The following TBL1X variants were observed in gnomAD, a reference collection of about 807,000 sequenced individuals.
TBL1X encodes F-box-like/WD repeat-containing protein TBL1X.
Under a neutral mutation model 50.7 loss-of-function variants are expected in TBL1X, and 10 were observed. That is an observed-to-expected ratio of 0.20 (90% CI 0.12 to 0.33). The LOEUF is 0.33. Ranked by LOEUF, TBL1X falls within the 10% of genes least tolerant of loss-of-function variation. TBL1X has a pLI of 1.00. For missense variants in TBL1X, 340 were observed against 504.4 expected (o/e 0.67, Z 3.12); for synonymous variants, 190 against 214.7 (o/e 0.88, Z 1.01).
intron 1 of TBL1X, among the ~76,000 whole-genome samples, chrX:9,494,495 G>A (rs1170467188): frequency 1.8e-5 from 2 of 111,576 alleles, no homozygotes; most frequent in African/African-American, 6.5e-5. Context: ...ATGGTGACAG[G>A]TGTTGCCTTT....
chrX:9,597,693 G>A (rs1489192783), intron 2 of TBL1X, among the ~76,000 whole-genome samples: 9 of 112,490 alleles, frequency 8.0e-5, no homozygotes, highest in Admixed American at 6.6e-4. Context: ...TGAGCCATGC[G>A]TGTCCTTTAG....
At chrX:9,481,786 AGATAAATC>A (rs747627891) in intron 1 of TBL1X, among the ~76,000 whole-genome samples, 8 of 112,384 alleles carry the variant, frequency 7.1e-5, no homozygotes, top group Non-Finnish European at 1.3e-4. Flanking sequence ...TTGCAGGCAC[AGATAAATC>A]CGTGGCTGGG....
intron 1 of TBL1X, among the ~76,000 whole-genome samples, chrX:9,491,173 G>A (rs1278201718): frequency 9.5e-6 from 1 of 104,975 alleles, no homozygotes; most frequent in Non-Finnish European, 1.9e-5. Context: ...GTAGAGATGG[G>A]GTCTCACTGT....
intron 1 of TBL1X, among the ~76,000 whole-genome samples, chrX:9,472,146 G>C (rs757485460): frequency 2.7e-5 from 3 of 112,424 alleles, no homozygotes; most frequent in Non-Finnish European, 5.6e-5. Flanking sequence ...TAGAGTCCAT[G>C]TGAATGTGCA....
chrX:9,701,973 G>A lies in TBL1X; in HGVS notation c.1115-3020G>A, dbSNP rs1306303948. Among the ~76,000 whole-genome samples the A allele has an allele frequency of 5.4e-5, 6 of 111,873 alleles. No individual in the cohort carries two copies. The East Asian group carries it at 1.1e-3, about 21-fold the overall frequency. On this transcript the variant is annotated intron_variant, in intron 12 of 17. Transcript: ENST00000645353. ...CCGCGTCCTCCCACCCACACCTTCC[G>A]CCTGCAGGGGGAGCTGGATGGGGAA...
intron 2 of TBL1X, among the ~76,000 whole-genome samples, chrX:9,542,297 G>A (rs948714085): frequency 9.0e-6 from 1 of 111,072 alleles, no homozygotes; most frequent in African/African-American, 3.3e-5. Flanking sequence ...TGCTTGTCTG[G>A]CCCCACTCAC....
chrX:9,479,529 C>T (rs1468808096), intron 1 of TBL1X, among the ~76,000 whole-genome samples: 4 of 112,585 alleles, frequency 3.6e-5, no homozygotes, highest in Admixed American at 9.4e-5. Context: ...ATGGCTTTTA[C>T]ATCACATGAC....
At chrX:9,619,157 A>G (rs2082653954) in intron 2 of TBL1X, among the ~76,000 whole-genome samples, 1 of 112,632 alleles carries the variant, frequency 8.9e-6, no homozygotes. Context: ...ACAGATAAGC[A>G]TCATACAAAT....
At chrX:9,705,848 G>C (rs187012617) in intron 13 of TBL1X, among the ~76,000 whole-genome samples, 19 of 110,992 alleles carry the variant, frequency 1.7e-4, no homozygotes, top group African/African-American at 6.2e-4. Context: ...AGAAATACCT[G>C]AGACTGGGTA....
chrX:9,491,148 T>G (rs943295856), intron 1 of TBL1X, among the ~76,000 whole-genome samples: 1 of 104,224 alleles, frequency 9.6e-6, no homozygotes, highest in Non-Finnish European at 2.0e-5. Flanking sequence ...CTCTGCTAGT[T>G]TTTAAATTGT....
chrX:9,586,006 G>A (rs1601776215), intron 2 of TBL1X, among the ~76,000 whole-genome samples: 1 of 112,277 alleles, frequency 8.9e-6, no homozygotes, highest in East Asian at 2.8e-4. Context: ...AATAGTAAGT[G>A]TTGGCAGGGA....
chrX:9,702,608 A>G (rs1296409388), intron 12 of TBL1X, among the ~76,000 whole-genome samples: 10 of 58,718 alleles, frequency 1.7e-4, no homozygotes, highest in Non-Finnish European at 2.3e-4. Flanking sequence ...CATCTCCAAG[A>G]AAAAAAAAAA....
chrX:9,654,006 T>A (rs2082851356), intron 4 of TBL1X, among the ~76,000 whole-genome samples: 1 of 111,926 alleles, frequency 8.9e-6, no homozygotes, highest in Non-Finnish European at 1.9e-5. Flanking sequence ...CAACTCTTGT[T>A]TTTTTGGAAA....
intron 1 of TBL1X, among the ~76,000 whole-genome samples, chrX:9,467,990 C>CT (rs2081788229): frequency 8.9e-6 from 1 of 112,685 alleles, no homozygotes; most frequent in Non-Finnish European, 1.9e-5. Context: ...AGCTGGCCCC[C>CT]TCCCACACAG....
At chrX:9,566,160 A>G (rs2082350383) in intron 2 of TBL1X, among the ~76,000 whole-genome samples, 1 of 111,703 alleles carries the variant, frequency 9.0e-6, no homozygotes, top group African/African-American at 3.3e-5. Flanking sequence ...TGTGTCAAAT[A>G]ATTCTCTTTG....
intron 2 of TBL1X, among the ~76,000 whole-genome samples, chrX:9,556,298 G>C (rs1444164665): frequency 1.8e-5 from 2 of 110,992 alleles, no homozygotes; most frequent in Non-Finnish European, 3.8e-5. Flanking sequence ...AGGTGGATTA[G>C]TTTCTGTGGC....
intron 2 of TBL1X, among the ~76,000 whole-genome samples, chrX:9,592,712 A>T (rs181136734): frequency 2.8e-3 from 316 of 112,220 alleles, no homozygotes; most frequent in African/African-American, 9.8e-3. Flanking sequence ...TAGAAGAGGA[A>T]TCATATAACA....
chrX:9,672,817 A>G (rs2082968025), intron 5 of TBL1X, among the ~76,000 whole-genome samples: 1 of 112,626 alleles, frequency 8.9e-6, no homozygotes, highest in Non-Finnish European at 1.9e-5. Flanking sequence ...TTCAAAGACA[A>G]GCTTCCTCTA....
At chrX:9,492,473 A>C (rs1012451044) in intron 1 of TBL1X, among the ~76,000 whole-genome samples, 1 of 112,237 alleles carries the variant, frequency 8.9e-6, no homozygotes, top group Non-Finnish European at 1.9e-5. Flanking sequence ...GTGCAGGACT[A>C]ACAGTTTCAG....
Sources: allele counts gnomAD v4.1 joint callset (sites outside exome capture counted in the v4.1 genomes callset), GRCh38; gene constraint gnomAD v4.1.1; transcripts MANE v1.5; gene names NCBI Gene and HGNC (gene_info 2026-07-23, HGNC 2026-07-21).